Variants in QKI observed in about 807,000 individuals in gnomAD.
QKI encodes the protein QKI, KH domain containing RNA binding.
Under a neutral mutation model 39.0 loss-of-function variants are expected in QKI, and 10 were observed. The ratio of observed to expected loss-of-function variants is 0.26; its 90% CI spans 0.16 to 0.43. The LOEUF (loss-of-function observed/expected upper bound fraction) is 0.43. QKI is among the 20% of genes least tolerant of loss of function. The pLI, the probability that QKI is intolerant of heterozygous loss-of-function variation, is 1.00. For synonymous variants in QKI, 204 were observed against 155.4 expected, an observed-to-expected ratio of 1.31 and a Z score of -2.33; for missense variants, 218 against 428.0, an observed-to-expected ratio of 0.51 and a Z score of 4.33.
intron 3 of QKI, among the ~76,000 whole-genome samples, chr6:163,519,124 T>C (rs1780000384): frequency 6.6e-6 from 1 of 152,186 alleles, no homozygotes; most frequent in Non-Finnish European, 1.5e-5. Flanking sequence ...AGAGTTGATA[T>C]TCATTGAACA....
intron 4 of QKI, among the ~76,000 whole-genome samples, chr6:163,542,052 G>A (rs2294703): frequency 0.11 from 16,775 of 151,756 alleles, 1,102 homozygotes; most frequent in East Asian, 0.25. Context: ...GAGTACTTCT[G>A]TTCCTTCCCT....
chr6:163,538,527 G>A (rs1364472896), intron 4 of QKI, among the ~76,000 whole-genome samples: 1 of 152,122 alleles, frequency 6.6e-6, no homozygotes, highest in African/African-American at 2.4e-5. Flanking sequence ...GGGATGGGAG[G>A]CACTGGCAGA....
At chr6:163,479,134 C>G (rs976019259) in intron 3 of QKI, among the ~76,000 whole-genome samples, 1 of 151,112 alleles carries the variant, frequency 6.6e-6, no homozygotes, top group Admixed American at 6.6e-5. Flanking sequence ...AAAAAAAATA[C>G]AAAAATTAGC....
chr6:163,487,889 A>C (rs73244781), intron 3 of QKI, among the ~76,000 whole-genome samples: 2,985 of 151,638 alleles, frequency 0.02, 94 homozygotes, highest in African/African-American at 0.068. Context: ...CCTTTTTTTC[A>C]GTGGGAGTTG....
At chr6:163,418,906 A>G (rs1037685308) in intron 1 of QKI, among the ~76,000 whole-genome samples, 23 of 152,248 alleles carry the variant, frequency 1.5e-4, no homozygotes, top group Middle Eastern at 6.8e-3. Context: ...TAGTATTTTA[A>G]AAGCTGATTT....
At chr6:163,501,374 A>G (rs1323299762) in intron 3 of QKI, among the ~76,000 whole-genome samples, 1 of 151,978 alleles carries the variant, frequency 6.6e-6, no homozygotes, top group Admixed American at 6.6e-5. Context: ...AGAGAAGAGA[A>G]TGGGCCTGAT....
intron 4 of QKI, among the ~76,000 whole-genome samples, chr6:163,552,808 T>C (rs536778962): frequency 6.6e-6 from 1 of 152,304 alleles, no homozygotes; most frequent in African/African-American, 2.4e-5. Flanking sequence ...CAGTTGCACA[T>C]CATTTATCTT....
intron 7 of QKI, chr6:163,570,122 T>G: frequency 1.0e-6 from 1 of 986,104 alleles, no homozygotes; most frequent in Non-Finnish European, 1.2e-6. Flanking sequence ...GAAAAAGCAA[T>G]AAACATTTAT....
chr6:163,544,907 T>C (rs1197192287), intron 4 of QKI, among the ~76,000 whole-genome samples: 2 of 152,152 alleles, frequency 1.3e-5, no homozygotes, highest in African/African-American at 4.8e-5. Flanking sequence ...TATTAATCTT[T>C]ACTGGTCAGT....
intron 1 of QKI, among the ~76,000 whole-genome samples, chr6:163,442,737 T>G (rs1267300521): frequency 6.6e-6 from 1 of 152,184 alleles, no homozygotes; most frequent in Non-Finnish European, 1.5e-5. Context: ...AGTTTAGTCT[T>G]GAATGTATCA....
chr6:163,483,750 TC>T, intron 3 of QKI, among the ~76,000 whole-genome samples: 1 of 152,312 alleles, frequency 6.6e-6, no homozygotes, highest in African/African-American at 2.4e-5. Context: ...ATTAACTTTT[TC>T]CAGACTCCTG....
intron 3 of QKI, among the ~76,000 whole-genome samples, chr6:163,483,490 A>G (rs1562477195): frequency 6.6e-6 from 1 of 151,938 alleles, no homozygotes; most frequent in Admixed American, 6.6e-5. Context: ...GTAATATTAT[A>G]AATTTTTTTT....
chr6:163,489,116 G>A (rs1356627853), intron 3 of QKI, among the ~76,000 whole-genome samples: 1 of 144,734 alleles, frequency 6.9e-6, no homozygotes, highest in East Asian at 2.0e-4. Flanking sequence ...ATAGTATATT[G>A]TGGTCATTTA....
intron 7 of QKI, chr6:163,568,067 G>C (rs1783473992): frequency 3.0e-6 from 3 of 985,134 alleles, no homozygotes; most frequent in Non-Finnish European, 3.6e-6. Context: ...CCAGCTCCGT[G>C]GTCGTCTATG....
At chr6:163,490,228 A>T (rs1486392705) in intron 3 of QKI, among the ~76,000 whole-genome samples, 1 of 152,182 alleles carries the variant, frequency 6.6e-6, no homozygotes, top group African/African-American at 2.4e-5. Flanking sequence ...ACTTAATTCC[A>T]TGATATTTCA....
chr6:163,547,550 G>A (rs533294417), intron 4 of QKI, among the ~76,000 whole-genome samples: 1 of 152,070 alleles, frequency 6.6e-6, no homozygotes, highest in Admixed American at 6.6e-5. Context: ...ACCTCCATGC[G>A]GGTGCCACAT....
chr6:163,441,850 A>G (rs1488893667), intron 1 of QKI, among the ~76,000 whole-genome samples: 1 of 152,138 alleles, frequency 6.6e-6, no homozygotes, highest in Admixed American at 6.5e-5. Flanking sequence ...TAGGTTGGTT[A>G]AGGACATTTG....
chr6:163,476,561 G>T (rs1025724592), intron 2 of QKI, among the ~76,000 whole-genome samples: 1 of 152,180 alleles, frequency 6.6e-6, no homozygotes, highest in Admixed American at 6.5e-5. Context: ...CTTTTCGTGG[G>T]TTATTTCAAT....
rs913413721 is a variant in QKI, at chr6:163,415,009, C to CGGGG, written c.-182_-179dup. ...GTCGGGCCCGGGCGGAAAGTGCCTG[C>CGGGG]GGGGGGCGGGCGAGCGCGCGGTGCC... On this transcript the variant is annotated 5_prime_UTR_variant, in exon 1 of 8. Coordinates refer to ENST00000361752, the MANE Select transcript of QKI (RefSeq NM_006775.3). The CGGGG allele has an allele frequency of 1.5e-5, 7 of 464,956 alleles. No individual in the cohort carries two copies. Among genetic ancestry groups the CGGGG allele is most frequent in the African/African-American group, 2.1e-5 (1 of 46,540 alleles). 28.8% of individuals were successfully genotyped at this position (464,956 alleles called of 1,614,324 possible).
Sources: gnomAD v4.1 joint callset for allele counts (sites outside exome capture counted in the v4.1 genomes callset) on GRCh38, gnomAD v4.1.1 for gene constraint, MANE v1.5 for transcripts, NCBI Gene and HGNC (gene_info 2026-07-23, HGNC 2026-07-21) for gene names.